TMED10: variants seen among roughly 807,000 people sequenced by gnomAD.
TMED10 encodes the protein transmembrane emp24 domain-containing protein 10.
In TMED10, 7 loss-of-function variants were observed where a neutral mutation model predicts 23.1. The observed-to-expected ratio is 0.30, with a 90% CI of 0.17 to 0.57. The LOEUF is 0.57. TMED10 is among the 20% of genes least tolerant of loss of function. The pLI is 0.91. For synonymous variants in TMED10, 113 were observed against 106.9 expected (o/e 1.06, Z -0.35); for missense variants, 162 against 274.8 (o/e 0.59, Z 2.90).
At chr14:75,139,815 A>T (rs1895799547) in intron 3 of TMED10, among the ~76,000 whole-genome samples, 1 of 152,140 alleles carries the variant, frequency 6.6e-6, no homozygotes, top group Non-Finnish European at 1.5e-5. Flanking sequence ...AAATCTCAAG[A>T]GACTAAAACA....
chr14:75,148,215 G>A (rs1462233231), intron 2 of TMED10, among the ~76,000 whole-genome samples: 1 of 152,112 alleles, frequency 6.6e-6, no homozygotes, highest in Non-Finnish European at 1.5e-5. Flanking sequence ...GATGAATTAG[G>A]ATTATTGGAT....
chr14:75,138,812 C>CTTTTTTTTTTTTTTTTT (rs59707221), intron 3 of TMED10, among the ~76,000 whole-genome samples: 195 of 95,026 alleles, frequency 2.1e-3, no homozygotes, highest in Non-Finnish European at 2.7e-3. Context: ...GCCTTTGCTT[C>CTTTTTTTTTTTTTTTTT]TTTTTTTTTT....
intron 1 of TMED10, among the ~76,000 whole-genome samples, chr14:75,157,261 T>A (rs1195919455): frequency 1.3e-5 from 2 of 152,214 alleles, no homozygotes; most frequent in East Asian, 3.8e-4. Context: ...ACAAACATAA[T>A]CTTTAATCTT....
At chr14:75,135,994 TCTC>T in intron 3 of TMED10, 108 bp from the exon 4 acceptor site, 1 of 1,455,726 alleles carries the variant, frequency 6.9e-7, no homozygotes, top group East Asian at 2.4e-5. Flanking sequence ...ATTTAAATTC[TCTC>T]CTATCAATCA....
In TMED10 at chr14:75,155,171, CT is replaced by C. The variant is rs1389860671; in HGVS notation, c.226-3029del. 1.2e-4 allele frequency among the ~76,000 whole-genome samples: 19 copies of C among 152,162 alleles called. No individual in the cohort carries two copies. In the South Asian group the frequency reaches 2.7e-3, roughly 22 times the overall value. The stretch of plus-strand genomic sequence containing the variant: ...ATGGGGTTTCACCATGTTGGCCAGG[CT>C]GGTCTCCAACTCCTGACCTCAAGTG... On this transcript the variant is annotated intron_variant, in intron 1 of 4. Coordinates refer to ENST00000303575, the MANE Select transcript of TMED10 (RefSeq NM_006827.6).
At chr14:75,155,895 C>T (rs1464755454) in intron 1 of TMED10, among the ~76,000 whole-genome samples, 2 of 152,150 alleles carry the variant, frequency 1.3e-5, no homozygotes, top group Non-Finnish European at 2.9e-5. Flanking sequence ...TGTGTTGCTG[C>T]TTTATAAGCA....
chr14:75,176,519 A>C lies in TMED10; in HGVS notation c.61T>G (p.Leu21Val). 5 of 1,614,160 alleles carry C rather than the reference A, an allele frequency of 3.1e-6. No homozygotes were observed. The highest frequency in any genetic ancestry group is 4.2e-6 in the Non-Finnish European group (5 of 1,180,024). The stretch of plus-strand genomic sequence containing the variant: ...ACCAATCTGGGGCCGAGCAGGAACA[A>C]AAGCAGCAACGCTAACGGAAAAGGG... ...RGPFPLALLL[L>V]FLLGPRLVLA... Residue 21 changes from leucine (L) to valine (V), a missense_variant, in exon 1 of 5, where the codon TTG (leucine) becomes GTG (valine). Leu to Val is a conservative substitution (Grantham distance 32, BLOSUM62 1). This residue lies in a region of TMED10 where 36 missense variants were observed against 35.2 expected (regional missense o/e 1.02). Coordinates refer to ENST00000303575, the MANE Select transcript of TMED10 (RefSeq NM_006827.6).
At chr14:75,146,916 T>TAGATAGATAGAC (rs1555355915) in intron 3 of TMED10, among the ~76,000 whole-genome samples, 1 of 151,606 alleles carries the variant, frequency 6.6e-6, no homozygotes, top group Non-Finnish European at 1.5e-5. Context: ...CCCAGATAGA[T>TAGATAGATAGAC]AGATAGATAG....
In TMED10 at chr14:75,131,707, A is replaced by G. The variant is rs887607722; in HGVS notation, c.*3178T>C. On this transcript the variant is annotated 3_prime_UTR_variant, in exon 5 of 5. Coordinates refer to ENST00000303575, the MANE Select transcript of TMED10 (RefSeq NM_006827.6). ...AATGGAGGAAAGCACATAACACCCG[A>G]TTTTAAAGCTTATTTGCTCTTGTGT... is the stretch of plus-strand genomic sequence containing the variant. 4 of 152,346 alleles carry G rather than the reference A, an allele frequency of 2.6e-5. No homozygotes were observed. The highest frequency in any genetic ancestry group is 9.6e-5 in the African/African-American group (4 of 41,458). The allele number at this position is 152,346 out of a possible 1,614,324, so 9.4% of individuals were successfully genotyped here.
Position 75,134,857 on chromosome 14 carries a change from A to C in TMED10, c.*28T>G. The C allele has an allele frequency of 2.5e-6, 4 of 1,612,784 alleles. No homozygotes were observed. The highest frequency in any genetic ancestry group is 3.4e-6 in the Non-Finnish European group (4 of 1,179,148). On this transcript the variant is annotated 3_prime_UTR_variant, in exon 5 of 5. Coordinates refer to ENST00000303575, the MANE Select transcript of TMED10 (RefSeq NM_006827.6). ...AGCGATGTTCTGCTGGCTGAGGTAC[A>C]AGGTGGGAGGAGAATATGCCTCATT... is the stretch of plus-strand genomic sequence containing the variant.
chr14:75,150,933 C>T (rs539753004), intron 2 of TMED10, among the ~76,000 whole-genome samples: 31 of 152,306 alleles, frequency 2.0e-4, no homozygotes, highest in African/African-American at 7.2e-4. Flanking sequence ...GACAGAGTCT[C>T]GCTCTGTCAC....
rs539967800 is a variant in TMED10, at chr14:75,157,852, AT to A, written c.226-5710del. Among the ~76,000 whole-genome samples, 32 of 152,110 alleles carry A rather than the reference AT, an allele frequency of 2.1e-4. No homozygotes were observed. In the East Asian group the frequency reaches 6.2e-3, roughly 29 times the overall value. On this transcript the variant is annotated intron_variant, in intron 1 of 4. Transcript: ENST00000303575. ...CTACTCAGGAGGCCGAGGCAGGAGAATTGCTTGAACCTGGGAGGCGGAGGCT... is the reference window on the plus strand; with the variant it reads ...CTACTCAGGAGGCCGAGGCAGGAGAATGCTTGAACCTGGGAGGCGGAGGCT...
In TMED10 at chr14:75,158,979, G is replaced by A. The variant is rs75634728; in HGVS notation, c.226-6836C>T. ...TAGAACCCTGGATACACACATATCA[G>A]TCAAAAAGGTCTGAGAACTAACCAA... On this transcript the variant is annotated intron_variant, in intron 1 of 4. Transcript: ENST00000303575. 6.0e-3 allele frequency among the ~76,000 whole-genome samples: 906 copies of A among 152,206 alleles called. 8 individuals are homozygous for A. The highest frequency in any genetic ancestry group is 0.021 in the African/African-American group (872 of 41,510).
chr14:75,158,267 CTT>C (rs968418983), intron 1 of TMED10, among the ~76,000 whole-genome samples: 1 of 152,132 alleles, frequency 6.6e-6, no homozygotes, highest in African/African-American at 2.4e-5. Context: ...TTAAAGGCCT[CTT>C]GTTTGTGTGA....
intron 1 of TMED10, among the ~76,000 whole-genome samples, chr14:75,171,037 C>T (rs1172445099): frequency 2.0e-5 from 3 of 152,152 alleles, no homozygotes; most frequent in Non-Finnish European, 2.9e-5. Context: ...AATGTGTTAT[C>T]TTACATGGCA....
intron 3 of TMED10, among the ~76,000 whole-genome samples, chr14:75,142,232 T>G (rs1318850700): frequency 2.0e-5 from 3 of 152,316 alleles, no homozygotes; most frequent in South Asian, 4.1e-4. Context: ...TGCATGTAGT[T>G]GTTAAATAAT....
chr14:75,139,169 A>G (rs1039870180), intron 3 of TMED10: 1 of 452,566 alleles, frequency 2.2e-6, no homozygotes, highest in Non-Finnish European at 4.4e-6. Flanking sequence ...CTGAGACACT[A>G]TGCTTTTGTA....
Position 75,176,536 on chromosome 14 carries a change from G to A in TMED10, c.44C>T (p.Pro15Leu). ...SGPPARRGPFPLALLLLFLLG... is the reference protein window; with the variant it reads ...SGPPARRGPFLLALLLLFLLG... ...CAGGAACAAAAGCAGCAACGCTAACGGAAAAGGGCCGCGCCGGGCTGGTGG... is the reference window on the plus strand; with the variant it reads ...CAGGAACAAAAGCAGCAACGCTAACAGAAAAGGGCCGCGCCGGGCTGGTGG... The change falls in exon 1 of 5, where the codon CCG becomes CTG. Residue 15 changes from proline (P) to leucine (L), a missense_variant. Pro to Leu is a moderately conservative substitution (Grantham distance 98). Transcript: ENST00000303575. The A allele has an allele frequency of 6.2e-7, 1 of 1,614,174 alleles. No homozygotes were observed. The highest frequency in any genetic ancestry group is 8.5e-7 in the Non-Finnish European group (1 of 1,180,026).
Position 75,133,466 on chromosome 14 carries a change from A to T in TMED10, c.*1419T>A, listed in dbSNP as rs1594861999. On this transcript the variant is annotated 3_prime_UTR_variant, in exon 5 of 5. Transcript: ENST00000303575. ...ATTACACACATCTATGTGAATGGTT[A>T]AGATAAAAAATAGTAGTAATACCAA... 1 of 152,402 alleles carries T rather than the reference A, an allele frequency of 6.6e-6. No homozygotes were observed. The highest frequency in any genetic ancestry group is 1.9e-4 in the East Asian group (1 of 5,188). The allele number at this position is 152,402 out of a possible 1,614,324, so 9.4% of individuals were successfully genotyped here.
Sources: gnomAD v4.1 joint callset for allele counts (sites outside exome capture counted in the v4.1 genomes callset) on GRCh38, gnomAD v4.1.1 for gene constraint, gnomAD v4.1.1 regional missense constraint, MANE v1.5 for transcripts, NCBI Gene and HGNC (gene_info 2026-07-23, HGNC 2026-07-21) for gene names.